Variants in RASAL2 observed in about 807,000 individuals in gnomAD.
RASAL2 encodes the protein ras GTPase-activating protein nGAP.
In RASAL2, 58 loss-of-function variants were observed where a neutral mutation model predicts 128.9. That is an observed-to-expected ratio of 0.45 (90% CI 0.36 to 0.56). The LOEUF (loss-of-function observed/expected upper bound fraction) is 0.56. RASAL2 is among the 20% of genes least tolerant of loss of function. The pLI is 0.00. For synonymous variants in RASAL2, 561 were observed against 580.8 expected (o/e 0.97, Z 0.49); for missense variants, 1,360 against 1,601.6 (o/e 0.85, Z 2.57).
Position 178,442,710 on chromosome 1 carries a change from A to G in RASAL2, c.963A>G (p.Leu321=). ...GGCGAGCTGAAAATGTTCTTCGTTT[A>G]TGGATCATTGAAGCCAAGGACCTTG... ...NCRRAENVLR[L]WIIEAKDLAP... Residue 321 remains leucine (L), a synonymous_variant, in exon 8 of 18, where the codon TTA becomes TTG. Transcript: ENST00000367649. 3 of 1,612,578 alleles carry G rather than the reference A, an allele frequency of 1.9e-6. No homozygotes were observed. Among genetic ancestry groups the G allele is most frequent in the Non-Finnish European group, 2.5e-6 (3 of 1,179,290 alleles).
At chr1:178,267,945 T>TGTG (rs1274973578) in intron 1 of RASAL2, among the ~76,000 whole-genome samples, 1 of 152,140 alleles carries the variant, frequency 6.6e-6, no homozygotes, top group African/African-American at 2.4e-5. Context: ...TTCCTCGTTG[T>TGTG]GTGGATCTTC....
intron 1 of RASAL2, among the ~76,000 whole-genome samples, chr1:178,239,894 T>C (rs1664418065): frequency 6.6e-6 from 1 of 152,070 alleles, no homozygotes; most frequent in Non-Finnish European, 1.5e-5. Context: ...TGAAATAAGG[T>C]AATAAAGGTA....
At chr1:178,168,495 G>A (rs1187114318) in intron 1 of RASAL2, among the ~76,000 whole-genome samples, 5 of 152,002 alleles carry the variant, frequency 3.3e-5, no homozygotes, top group Non-Finnish European at 7.4e-5. Flanking sequence ...GTAATCAGAA[G>A]TTTTTACTGG....
At chr1:178,398,050 T>G (rs1465208324) in intron 4 of RASAL2, among the ~76,000 whole-genome samples, 1 of 152,100 alleles carries the variant, frequency 6.6e-6, no homozygotes, top group Non-Finnish European at 1.5e-5. Flanking sequence ...ATATTGATTA[T>G]AAATTGAAAT....
chr1:178,415,449 A>G (rs983837359), intron 4 of RASAL2, among the ~76,000 whole-genome samples: 7 of 152,072 alleles, frequency 4.6e-5, no homozygotes, highest in African/African-American at 1.4e-4. Flanking sequence ...TATGATCTCT[A>G]TTCTTTTAAA....
At chr1:178,251,512 T>C (rs1665055318) in intron 1 of RASAL2, among the ~76,000 whole-genome samples, 1 of 152,228 alleles carries the variant, frequency 6.6e-6, no homozygotes, top group African/African-American at 2.4e-5. Flanking sequence ...CTGAACATAA[T>C]TCCTCATTTA....
intron 3 of RASAL2, among the ~76,000 whole-genome samples, chr1:178,337,111 T>C (rs537186847): frequency 6.6e-6 from 1 of 152,310 alleles, no homozygotes; most frequent in Admixed American, 6.5e-5. Context: ...CTAAGTCATC[T>C]TAGTGGGAAG....
intron 4 of RASAL2, among the ~76,000 whole-genome samples, chr1:178,401,444 G>T (rs1234286336): frequency 6.6e-6 from 1 of 152,128 alleles, no homozygotes; most frequent in African/African-American, 2.4e-5. Flanking sequence ...AGGTATAATT[G>T]AATGTGTAAG....
intron 4 of RASAL2, among the ~76,000 whole-genome samples, chr1:178,404,684 AT>A (rs61625303): frequency 0.49 from 53,513 of 110,140 alleles, 12,191 homozygotes; most frequent in South Asian, 0.62. Context: ...TGGCCCCCCA[AT>A]TTTTTTTTTT....
At chr1:178,248,300 A>G (rs1664873163) in intron 1 of RASAL2, among the ~76,000 whole-genome samples, 1 of 152,150 alleles carries the variant, frequency 6.6e-6, no homozygotes, top group Non-Finnish European at 1.5e-5. Context: ...TTCTTGGTGC[A>G]TTCATCCCTT....
At chr1:178,118,938 G>T (rs1659615324) in intron 1 of RASAL2, among the ~76,000 whole-genome samples, 1 of 152,014 alleles carries the variant, frequency 6.6e-6, no homozygotes, top group East Asian at 1.9e-4. Context: ...TGTGATCTTG[G>T]CTCACTGCAA....
chr1:178,319,657 T>G (rs1483176475), intron 3 of RASAL2, among the ~76,000 whole-genome samples: 2 of 149,298 alleles, frequency 1.3e-5, no homozygotes, highest in South Asian at 2.1e-4. Flanking sequence ...GCTCCTTTAA[T>G]CACTTCTCTG....
chr1:178,133,884 G>A (rs553270430), intron 1 of RASAL2, among the ~76,000 whole-genome samples: 35 of 152,252 alleles, frequency 2.3e-4, no homozygotes, highest in South Asian at 1.0e-3. Context: ...AGGGTGTGAC[G>A]ATCATGTGGA....
intron 1 of RASAL2, among the ~76,000 whole-genome samples, chr1:178,215,760 C>A (rs528786027): frequency 2.8e-4 from 43 of 152,222 alleles, no homozygotes; most frequent in Non-Finnish European, 5.4e-4. Flanking sequence ...GGGGTAATTT[C>A]ATTTAATGCC....
intron 11 of RASAL2, 130 bp downstream of exon 11, chr1:178,452,782 C>CA: frequency 2.8e-6 from 2 of 718,016 alleles, no homozygotes; most frequent in Non-Finnish European, 4.6e-6. Flanking sequence ...ATAAATATAG[C>CA]AAAAAAATGG....
chr1:178,100,257 CA>C (rs1658841227), intron 1 of RASAL2, among the ~76,000 whole-genome samples: 1 of 151,552 alleles, frequency 6.6e-6, no homozygotes, highest in African/African-American at 2.4e-5. Context: ...GGCTTATGCC[CA>C]TAATTCCAGC....
At chr1:178,383,060 T>C (rs1166338116) in intron 3 of RASAL2, among the ~76,000 whole-genome samples, 1 of 152,130 alleles carries the variant, frequency 6.6e-6, no homozygotes, top group African/African-American at 2.4e-5. Flanking sequence ...AAAAAAATTG[T>C]TTTTCTATTA....
intron 1 of RASAL2, among the ~76,000 whole-genome samples, chr1:178,192,790 A>G (rs1325881284): frequency 6.6e-6 from 1 of 152,202 alleles, no homozygotes; most frequent in African/African-American, 2.4e-5. Context: ...GAGTCTGGCC[A>G]GCTATTTCCT....
rs1553250958 is a variant in RASAL2, at chr1:178,110,637, C to CATATATATATATATATATATATATAT, written c.202+15959_202+15960insATATATATATATATATATATATATAT. Among the ~76,000 whole-genome samples, 51 of 15,632 alleles carry CATATATATATATATATATATATATAT rather than the reference C, an allele frequency of 3.3e-3. 1 individual carries two copies. Among genetic ancestry groups the CATATATATATATATATATATATATAT allele is most frequent in the South Asian group, 0.02 (7 of 348 alleles). 10.3% of individuals were successfully genotyped at this position (15,632 alleles called of 152,430 possible). On this transcript the variant is annotated intron_variant, in intron 1 of 17. Coordinates refer to ENST00000367649, the MANE Select transcript of RASAL2 (RefSeq NM_170692.4). ...CTATATACACTATATATAGTGTATA[C>CATATATATATATATATATATATATAT]ATATATATATATATATGTATGTATA... is the stretch of plus-strand genomic sequence containing the variant.
Sources: gnomAD v4.1 joint callset for allele counts (sites outside exome capture counted in the v4.1 genomes callset) on GRCh38, gnomAD v4.1.1 for gene constraint, MANE v1.5 for transcripts, NCBI Gene and HGNC (gene_info 2026-07-23, HGNC 2026-07-21) for gene names.